PIEZO2: variants seen among roughly 807,000 people sequenced by gnomAD.
The protein encoded by PIEZO2 is piezo type mechanosensitive ion channel component 2.
A neutral mutation model predicts 337.3 loss-of-function variants in PIEZO2; 172 were observed. The ratio of observed to expected loss-of-function variants is 0.51; its 90% CI spans 0.45 to 0.58. The LOEUF (loss-of-function observed/expected upper bound fraction) is 0.58, where lower values mean the gene tolerates loss of function less well. Ranked by LOEUF, PIEZO2 falls within the 20% of genes least tolerant of loss-of-function variation. The probability of loss-of-function intolerance (pLI) is 0.00; values close to 1 mark genes in which losing one functional copy is unlikely to be tolerated. For synonymous variants in PIEZO2, 1,251 were observed against 1,228.5 expected (o/e 1.02, Z -0.38); for missense variants, 3,028 against 3,391.3 (o/e 0.89, Z 2.66).
chr18:10,784,927 A>C lies in PIEZO2; in HGVS notation c.2349T>G (p.Thr783=). The change falls in exon 17 of 56, where the codon ACT becomes ACG. Residue 783 remains threonine (T), a synonymous_variant. Transcript: ENST00000674853. This position sits in a 1 kb window ranked among gnomAD's most constrained non-coding sequence, Gnocchi z 4.5. ...KLEDLGLKQF[T]VAELFTRIFI... ...ATATGCGAGTGAATAGTTCAGCCAC[A>C]GTAAACTGCTTTAAGCCAAGATCCT... is the stretch of plus-strand genomic sequence containing the variant. The C allele has an allele frequency of 6.5e-7, 1 of 1,537,076 alleles. No individual in the cohort carries two copies. Among genetic ancestry groups the C allele is most frequent in the South Asian group, 1.2e-5 (1 of 84,026 alleles).
chr18:10,920,145 C>T (rs1355136026), intron 3 of PIEZO2, among the ~76,000 whole-genome samples: 1 of 152,162 alleles, frequency 6.6e-6, no homozygotes, highest in East Asian at 1.9e-4. Context: ...ATAGAAGCCT[C>T]CTTCTGAGAA....
chr18:10,899,303 G>A lies in PIEZO2; in HGVS notation c.329+11883C>T, dbSNP rs1038798190. On this transcript the variant is annotated intron_variant, in intron 4 of 55. Transcript: ENST00000674853. This position sits in a 1 kb window ranked among gnomAD's most constrained non-coding sequence, Gnocchi z 4.6. ...CTTAGGAAGGTGTGTTTGTGTGTGT[G>A]TGTGTAGAGGTATATCAGGAAAATG... Among the ~76,000 whole-genome samples, 3 of 152,214 alleles carry A rather than the reference G, an allele frequency of 2.0e-5. No homozygotes were observed. The highest frequency in any genetic ancestry group is 4.4e-5 in the Non-Finnish European group (3 of 68,040).
intron 2 of PIEZO2, among the ~76,000 whole-genome samples, chr18:10,990,827 C>T (rs534775961): frequency 6.6e-6 from 1 of 151,476 alleles, no homozygotes; most frequent in Admixed American, 6.6e-5. Context: ...AATGTTGAAA[C>T]TGCCTTGCAT....
chr18:11,002,104 A>C lies in PIEZO2; in HGVS notation c.161-22444T>G, dbSNP rs1418663155. On this transcript the variant is annotated intron_variant, in intron 2 of 55. Coordinates refer to ENST00000674853, the MANE Select transcript of PIEZO2 (RefSeq NM_001378183.1). This position sits in a 1 kb window ranked among gnomAD's most constrained non-coding sequence, Gnocchi z 4.3. ...CTGCTACTGTAGCAAATAGCCATAG[A>C]AAATACATGGACGAATTAATAATGA... Among the ~76,000 whole-genome samples, 1 of 152,232 alleles carries C rather than the reference A, an allele frequency of 6.6e-6. No individual in the cohort carries two copies. Among genetic ancestry groups the C allele is most frequent in the African/African-American group, 2.4e-5 (1 of 41,466 alleles).
rs79337157 is a variant in PIEZO2 at position 10,834,805 on chromosome 18, C to T, written c.917+20548G>A. On this transcript the variant is annotated intron_variant, in intron 7 of 55. Transcript: ENST00000674853. This position sits in a 1 kb window ranked among gnomAD's most constrained non-coding sequence, Gnocchi z 4.5. Reference sequence around the variant, plus strand: ...AAGGCTCTTCCTTTAAGTTTCTTCCCCGCTAGCTTTCACAAGAAACTCCAG... The same window carrying T: ...AAGGCTCTTCCTTTAAGTTTCTTCCTCGCTAGCTTTCACAAGAAACTCCAG... Among the ~76,000 whole-genome samples the T allele has an allele frequency of 0.014, 2,073 of 152,292 alleles. 51 individuals are homozygous for T. The highest frequency in any genetic ancestry group is 0.047 in the African/African-American group (1,969 of 41,548).
rs903732468 is a variant in PIEZO2, at chr18:10,942,856, C to T, written c.287-31628G>A. 3.3e-5 allele frequency among the ~76,000 whole-genome samples: 5 copies of T among 152,152 alleles called. No individual in the cohort carries two copies. Among genetic ancestry groups the T allele is most frequent in the Non-Finnish European group, 5.9e-5 (4 of 68,026 alleles). On this transcript the variant is annotated intron_variant, in intron 3 of 55. Coordinates refer to ENST00000674853, the MANE Select transcript of PIEZO2 (RefSeq NM_001378183.1). The surrounding 1 kb of genome is among the most constrained non-coding windows in gnomAD (Gnocchi z 4.4). ...TGATTTAGTAGGCCAGGCTCAGGGTCCCCGTGCTGTGTGCAGCCTAGGGAA... is the reference window on the plus strand; with the variant it reads ...TGATTTAGTAGGCCAGGCTCAGGGTTCCCGTGCTGTGTGCAGCCTAGGGAA...
In PIEZO2 at chr18:11,002,017, G is replaced by A. The variant is rs2035561289; in HGVS notation, c.161-22357C>T. On this transcript the variant is annotated intron_variant, in intron 2 of 55. Transcript: ENST00000674853. The surrounding 1 kb of genome is among the most constrained non-coding windows in gnomAD (Gnocchi z 4.3). Reference sequence around the variant, plus strand: ...AAATTCTAGATCTTCTACCTGTAAGGGCCAGAGAGTAGATATTTTAGGCTT... The same window carrying A: ...AAATTCTAGATCTTCTACCTGTAAGAGCCAGAGAGTAGATATTTTAGGCTT... Among the ~76,000 whole-genome samples the A allele has an allele frequency of 6.6e-6, 1 of 152,046 alleles. No individual in the cohort carries two copies. The highest frequency in any genetic ancestry group is 6.6e-5 in the Admixed American group (1 of 15,260).
At chr18:11,026,856 A>G (rs1301774913) in intron 2 of PIEZO2, among the ~76,000 whole-genome samples, 2 of 152,202 alleles carry the variant, frequency 1.3e-5, no homozygotes, top group African/African-American at 4.8e-5. Flanking sequence ...ATTTTTGTGT[A>G]TTTAGCTCCT....
At chr18:11,081,968 C>T (rs1042250247) in intron 1 of PIEZO2, among the ~76,000 whole-genome samples, 14 of 152,102 alleles carry the variant, frequency 9.2e-5, no homozygotes, top group African/African-American at 2.9e-4. Context: ...CCATATTGGT[C>T]AGGCTGATCT....
chr18:10,825,322 G>A (rs2040636539), intron 7 of PIEZO2, among the ~76,000 whole-genome samples: 1 of 152,120 alleles, frequency 6.6e-6, no homozygotes, highest in Admixed American at 6.6e-5. Context: ...TCTGTGGAAT[G>A]CCCCTTTGTT....
At chr18:10,733,016 T>TAA (rs60465511) in intron 35 of PIEZO2, among the ~76,000 whole-genome samples, 126,645 of 151,818 alleles carry the variant, frequency 0.83, 53,377 homozygotes, top group African/African-American at 0.96. Flanking sequence ...TTTGTGAATA[T>TAA]GAGGCGCACA....
At chr18:10,818,300 A>G (rs760776471) in intron 7 of PIEZO2, among the ~76,000 whole-genome samples, 1 of 152,198 alleles carries the variant, frequency 6.6e-6, no homozygotes, top group Non-Finnish European at 1.5e-5. Flanking sequence ...AAAGGAATTG[A>G]GGGGAAGGTG....
chr18:10,951,895 A>G (rs2033312028), intron 3 of PIEZO2, among the ~76,000 whole-genome samples: 1 of 152,188 alleles, frequency 6.6e-6, no homozygotes, highest in African/African-American at 2.4e-5. Flanking sequence ...CAAATTAATG[A>G]ATGATTATGA....
chr18:10,814,215 C>T (rs368068662), intron 7 of PIEZO2, among the ~76,000 whole-genome samples: 60 of 152,162 alleles, frequency 3.9e-4, no homozygotes, highest in East Asian at 2.9e-3. Context: ...ATGATCTGCC[C>T]GCCTTGGCCT....
At position 10,955,141 on chromosome 18, in the gene PIEZO2, T is replaced by C. The variant is rs142798682; in HGVS notation, c.286+24394A>G. On this transcript the variant is annotated intron_variant, in intron 3 of 55. Coordinates refer to ENST00000674853, the MANE Select transcript of PIEZO2 (RefSeq NM_001378183.1). ...GAACAGCTCCAGGAGAACAAAAGTTTCCTTTAATTGTATTTTGTGCTGGAA... is the reference window on the plus strand; with the variant it reads ...GAACAGCTCCAGGAGAACAAAAGTTCCCTTTAATTGTATTTTGTGCTGGAA... Among the ~76,000 whole-genome samples, 427 of 152,316 alleles carry C rather than the reference T, an allele frequency of 2.8e-3. 3 individuals carry two copies. Among genetic ancestry groups the C allele is most frequent in the Non-Finnish European group, 3.8e-3 (257 of 68,030 alleles).
chr18:10,736,885 C>T (rs796323629), intron 33 of PIEZO2, among the ~76,000 whole-genome samples, 175 bp from the exon 34 acceptor site: 26 of 152,256 alleles, frequency 1.7e-4, no homozygotes, highest in African/African-American at 3.9e-4. Context: ...GCTAATGCTA[C>T]GCGGTGTTGG....
In PIEZO2 at chr18:10,673,094, C is replaced by G. The variant is rs952662044; in HGVS notation, c.8162-221G>C. Among the ~76,000 whole-genome samples the G allele has an allele frequency of 1.3e-5, 2 of 152,152 alleles. No homozygotes were observed. Among genetic ancestry groups the G allele is most frequent in the African/African-American group, 4.8e-5 (2 of 41,430 alleles). ...CAGTGAGAGAGGTCAGCCGCTGTTG[C>G]TACATGGGCATGGCAGCAAAACCAC... On this transcript the variant is annotated intron_variant, in intron 54 of 55. Coordinates refer to ENST00000674853, the MANE Select transcript of PIEZO2 (RefSeq NM_001378183.1). The surrounding 1 kb of genome is among the most constrained non-coding windows in gnomAD (Gnocchi z 4.8).
intron 1 of PIEZO2, among the ~76,000 whole-genome samples, chr18:11,088,261 G>A (rs2038969382): frequency 6.6e-6 from 1 of 152,178 alleles, no homozygotes; most frequent in Admixed American, 6.5e-5. Flanking sequence ...GTCTCAGTAA[G>A]CAGAGGACAG....
chr18:10,796,980 T>C (rs1455682488), intron 12 of PIEZO2, among the ~76,000 whole-genome samples: 1 of 152,050 alleles, frequency 6.6e-6, no homozygotes. Flanking sequence ...CCATTATATA[T>C]GTACCATCAT....
Sources: allele counts gnomAD v4.1 joint callset (sites outside exome capture counted in the v4.1 genomes callset), GRCh38; gene constraint gnomAD v4.1.1; non-coding constraint Gnocchi (gnomAD v3.1); transcripts MANE v1.5; gene names NCBI Gene and HGNC (gene_info 2026-07-23, HGNC 2026-07-21).